Variants in GCH1 observed in about 807,000 individuals in gnomAD.
The protein encoded by GCH1 is GTP cyclohydrolase 1.
Under a neutral mutation model 25.9 loss-of-function variants are expected in GCH1, and 5 were observed. The observed-to-expected ratio is 0.19, with a 90% CI of 0.10 to 0.41. The LOEUF is 0.41. Among genes scored for constraint, GCH1 ranks in the 10% least tolerant of loss-of-function variants. The probability of loss-of-function intolerance (pLI) is 1.00; values close to 1 mark genes in which losing one functional copy is unlikely to be tolerated. For missense variants in GCH1, 261 were observed against 336.5 expected (o/e 0.78, Z 1.75); for synonymous variants, 159 against 129.6 (o/e 1.23, Z -1.54).
intron 1 of GCH1, among the ~76,000 whole-genome samples, chr14:54,873,200 C>G (rs970626224): frequency 6.6e-6 from 1 of 152,198 alleles, no homozygotes; most frequent in African/African-American, 2.4e-5. Flanking sequence ...TCACTCAAAA[C>G]TGCTCAACTA....
chr14:54,880,533 AC>A lies in GCH1; in HGVS notation c.344-15098del, dbSNP rs2040237223. 8.1e-5 allele frequency among the ~76,000 whole-genome samples: 6 copies of A among 74,064 alleles called. No individual in the cohort carries two copies. The Admixed American group carries it at 8.5e-4, about 10-fold the overall frequency. 48.6% of individuals were successfully genotyped at this position (74,064 alleles called of 152,430 possible). On this transcript the variant is annotated intron_variant, in intron 1 of 5. Coordinates refer to ENST00000491895, the MANE Select transcript of GCH1 (RefSeq NM_000161.3). The stretch of plus-strand genomic sequence containing the variant: ...ATATATACTCCATATATATATATAT[AC>A]TCCATATATATATATACTCCATATA...
At chr14:54,884,997 G>C (rs1238628113) in intron 1 of GCH1, 1 of 209,420 alleles carries the variant, frequency 4.8e-6, no homozygotes, top group Non-Finnish European at 9.9e-6. Context: ...CTCATATAGT[G>C]CCTCCTCCCT....
Position 54,846,578 on chromosome 14 carries a change from T to G in GCH1, c.541+521A>C, listed in dbSNP as rs190248340. On this transcript the variant is annotated intron_variant, in intron 4 of 5. Transcript: ENST00000491895. ...AAATGAGCCCATTTTTGTTTAAACA[T>G]AATCCAAATAAATTGATTTGAAAAT... Among the ~76,000 whole-genome samples, 338 of 152,298 alleles carry G rather than the reference T, an allele frequency of 2.2e-3. 1 individual carries two copies. The highest frequency in any genetic ancestry group is 3.7e-3 in the Admixed American group (57 of 15,288).
intron 1 of GCH1, among the ~76,000 whole-genome samples, chr14:54,888,531 G>T (rs11312854): frequency 0.32 from 33,580 of 105,410 alleles, 3,888 homozygotes; most frequent in African/African-American, 0.47. Flanking sequence ...TTTTTTTTTT[G>T]AGATGGAGTC....
At chr14:54,868,351 A>G (rs2040018217) in intron 1 of GCH1, among the ~76,000 whole-genome samples, 1 of 152,114 alleles carries the variant, frequency 6.6e-6, no homozygotes, top group Non-Finnish European at 1.5e-5. Context: ...CAGCAGTTCA[A>G]TGCTACAATG....
rs189072094 is a variant in GCH1 at position 54,874,379 on chromosome 14, C to T, written c.344-8943G>A. On this transcript the variant is annotated intron_variant, in intron 1 of 5. Transcript: ENST00000491895. ...GAGCTATCTATGACAAACCCACAGC[C>T]AATGTCATACTGAATGGGCAAAAAC... Among the ~76,000 whole-genome samples the T allele has an allele frequency of 8.5e-5, 13 of 152,288 alleles. No homozygotes were observed. In the East Asian group the frequency reaches 2.5e-3, roughly 29 times the overall value.
chr14:54,873,046 A>G (rs1174427654), intron 1 of GCH1, among the ~76,000 whole-genome samples: 1 of 152,158 alleles, frequency 6.6e-6, no homozygotes, highest in East Asian at 1.9e-4. Flanking sequence ...TCAACAGAAT[A>G]TACATTCTTC....
chr14:54,870,947 G>A (rs1166189201), intron 1 of GCH1, among the ~76,000 whole-genome samples: 2 of 152,208 alleles, frequency 1.3e-5, no homozygotes, highest in African/African-American at 4.8e-5. Flanking sequence ...ACAAAAGGCA[G>A]CAGAAACTTC....
chr14:54,855,595 C>T (rs1346029747), intron 3 of GCH1, among the ~76,000 whole-genome samples: 1 of 149,384 alleles, frequency 6.7e-6, no homozygotes, highest in Non-Finnish European at 1.5e-5. Flanking sequence ...AGGCTGATCA[C>T]TTGAGGCCAG....
At chr14:54,899,372 C>T (rs543241583) in intron 1 of GCH1, among the ~76,000 whole-genome samples, 1 of 152,104 alleles carries the variant, frequency 6.6e-6, no homozygotes, top group Non-Finnish European at 1.5e-5. Context: ...GAGGTGGGAT[C>T]ACTTGAGTCC....
chr14:54,855,516 A>AAAAAAAAAAAC, intron 3 of GCH1, among the ~76,000 whole-genome samples: 1 of 144,082 alleles, frequency 6.9e-6, no homozygotes, highest in Non-Finnish European at 1.5e-5. Flanking sequence ...AAAAAAAAAA[A>AAAAAAAAAAAC]AAAAAAAAAA....
chr14:54,891,149 T>C (rs1357689737), intron 1 of GCH1, among the ~76,000 whole-genome samples: 4 of 152,184 alleles, frequency 2.6e-5, no homozygotes, highest in Admixed American at 2.6e-4. Context: ...GTCATCCAGG[T>C]TGGAGTGTAG....
chr14:54,843,264 C>CA lies in GCH1; in HGVS notation c.*752dup. On this transcript the variant is annotated 3_prime_UTR_variant, in exon 6 of 6. Transcript: ENST00000491895. ...TAAAATAATGGCTTTTTTAAAAAGG[C>CA]AAAAGTATCTACACTCTAAATGATA... 7.2e-7 allele frequency: 1 copy of CA among 1,389,216 alleles called. No homozygotes were observed. The highest frequency in any genetic ancestry group is 9.3e-7 in the Non-Finnish European group (1 of 1,078,288). The allele number at this position is 1,389,216 out of a possible 1,614,324, so 86.1% of individuals were successfully genotyped here. A position where few individuals can be genotyped will look rare whatever the true frequency, so the allele number is the denominator to read the frequency against.
intron 3 of GCH1, among the ~76,000 whole-genome samples, chr14:54,853,976 C>T (rs1158015662): frequency 1.3e-5 from 2 of 152,174 alleles, no homozygotes; most frequent in Non-Finnish European, 2.9e-5. Context: ...GGCTTTCAAA[C>T]TCTTGGTCCA....
At chr14:54,848,198 A>G (rs563790993) in intron 3 of GCH1, among the ~76,000 whole-genome samples, 42 of 147,780 alleles carry the variant, frequency 2.8e-4, no homozygotes, top group African/African-American at 1.0e-3. Context: ...GTGCAATGGC[A>G]TGATCTCAGC....
chr14:54,868,325 G>C (rs2040017816), intron 1 of GCH1, among the ~76,000 whole-genome samples: 1 of 152,094 alleles, frequency 6.6e-6, no homozygotes. Context: ...GCTAAGGCAG[G>C]AGGATCACTT....
chr14:54,902,170 G>C (rs1464742710), intron 1 of GCH1, 151 bp downstream of exon 1: 2 of 816,168 alleles, frequency 2.5e-6, no homozygotes, highest in Non-Finnish European at 3.9e-6. Flanking sequence ...CCTCGGCAGG[G>C]CGGCAGGCTA....
At chr14:54,862,438 A>G (rs1390846492) in intron 2 of GCH1, among the ~76,000 whole-genome samples, 1 of 134,098 alleles carries the variant, frequency 7.5e-6, no homozygotes, top group Non-Finnish European at 1.5e-5. Flanking sequence ...GCTGGAGTGC[A>G]GTGGTGTGAT....
chr14:54,902,454 G>A lies in GCH1; in HGVS notation c.210C>T (p.Asn70=). 2 of 1,612,754 alleles carry A rather than the reference G, an allele frequency of 1.2e-6. No individual in the cohort carries two copies. Among genetic ancestry groups the A allele is most frequent in the Non-Finnish European group, 1.7e-6 (2 of 1,179,724 alleles). ...GGATGGACGAGTAGGCGGCTGCCAG[G>A]TTAGGGAGGTTCAGCTCGTTATCCT... ...SEEDNELNLP[N]LAAAYSSILS... is the part of the protein sequence containing the mutation. The change falls in exon 1 of 6, where the codon AAC becomes AAT. Residue 70 remains asparagine (N), a synonymous_variant. Transcript: ENST00000491895.
Sources: gnomAD v4.1 joint callset for allele counts (sites outside exome capture counted in the v4.1 genomes callset) on GRCh38, gnomAD v4.1.1 for gene constraint, MANE v1.5 for transcripts, NCBI Gene and HGNC (gene_info 2026-07-23, HGNC 2026-07-21) for gene names.